The following EYS variants were observed in gnomAD, a reference collection of about 807,000 sequenced individuals.
EYS encodes the protein protein eyes shut homolog.
EYS carries 250 observed loss-of-function variants against 282.1 expected under a neutral mutation model. The ratio of observed to expected loss-of-function variants is 0.89; its 90% CI spans 0.80 to 0.98. EYS has a LOEUF of 0.98. EYS is among the 50% of genes least tolerant of loss of function. The probability of loss-of-function intolerance (pLI) is 0.00; values close to 1 mark genes in which losing one functional copy is unlikely to be tolerated. For missense variants in EYS, 4,016 were observed against 3,709.0 expected, an observed-to-expected ratio of 1.08 and a Z score of -2.15; for synonymous variants, 1,355 against 1,282.9, an observed-to-expected ratio of 1.06 and a Z score of -1.20.
intron 22 of EYS, among the ~76,000 whole-genome samples, chr6:64,774,157 A>G (rs1232698582): frequency 6.6e-6 from 1 of 151,990 alleles, no homozygotes; most frequent in Non-Finnish European, 1.5e-5. Flanking sequence ...CAAAAACTCT[A>G]GATTCTACCC....
rs560219200 is a variant in EYS, at chr6:65,703,145, A to G, written c.-448+3990T>C. On this transcript the variant is annotated intron_variant, in intron 1 of 42. Transcript: ENST00000503581. ...AAATATCAGACATGCCAACCTGCACAATCCCATGAACCAATTCCTTAAAGT... is the reference window on the plus strand; with the variant it reads ...AAATATCAGACATGCCAACCTGCACGATCCCATGAACCAATTCCTTAAAGT... Among the ~76,000 whole-genome samples, 17 of 152,274 alleles carry G rather than the reference A, an allele frequency of 1.1e-4. No individual in the cohort carries two copies. In the South Asian group the frequency reaches 3.5e-3, roughly 32 times the overall value.
At chr6:65,422,860 G>A (rs962369487) in intron 5 of EYS, among the ~76,000 whole-genome samples, 1 of 151,464 alleles carries the variant, frequency 6.6e-6, no homozygotes, top group African/African-American at 2.4e-5. Context: ...ATGTTTATGT[G>A]TACATCCTAC....
chr6:65,116,340 A>G (rs1024798874), intron 12 of EYS, among the ~76,000 whole-genome samples: 4 of 152,122 alleles, frequency 2.6e-5, no homozygotes, highest in Non-Finnish European at 4.4e-5. Flanking sequence ...CATTTTCCCC[A>G]TAGTACTCTG....
At chr6:64,755,502 ACACACACACAC>A (rs1772906200) in intron 22 of EYS, among the ~76,000 whole-genome samples, 7 of 93,052 alleles carry the variant, frequency 7.5e-5, no homozygotes, top group African/African-American at 4.9e-4. Flanking sequence ...ATACATACAC[ACACACACACAC>A]ACACACACAC....
At chr6:65,627,879 G>T (rs2149806120) in intron 2 of EYS, among the ~76,000 whole-genome samples, 1 of 152,342 alleles carries the variant, frequency 6.6e-6, no homozygotes, top group Non-Finnish European at 1.5e-5. Flanking sequence ...ACCACCCCCT[G>T]CTCTACGGCG....
intron 28 of EYS, among the ~76,000 whole-genome samples, chr6:64,413,073 T>C (rs1396860336): frequency 1.3e-5 from 2 of 152,128 alleles, no homozygotes; most frequent in African/African-American, 2.4e-5. Context: ...AAACTATGGA[T>C]ACTAGTTGAA....
chr6:65,417,554 T>C (rs1398034643), intron 5 of EYS, among the ~76,000 whole-genome samples: 1 of 152,034 alleles, frequency 6.6e-6, no homozygotes, highest in Non-Finnish European at 1.5e-5. Context: ...AAGCAGATAG[T>C]AATTATTTTG....
chr6:64,893,111 C>T (rs956888089), intron 18 of EYS, among the ~76,000 whole-genome samples: 9 of 152,066 alleles, frequency 5.9e-5, no homozygotes, highest in Non-Finnish European at 8.8e-5. Flanking sequence ...TTGTGAGTGA[C>T]CTAAATGAAC....
intron 12 of EYS, 68 bp downstream of exon 12, chr6:65,295,795 T>C (rs1768644372): frequency 3.9e-6 from 5 of 1,268,378 alleles, no homozygotes; most frequent in African/African-American, 1.5e-5. Context: ...ATTTGAGATA[T>C]ATCAAATAAA....
chr6:64,061,199 G>A (rs1449596070), intron 33 of EYS, among the ~76,000 whole-genome samples: 4 of 152,090 alleles, frequency 2.6e-5, no homozygotes, highest in African/African-American at 9.7e-5. Flanking sequence ...CTAGAATAAA[G>A]GACACAGGGC....
intron 4 of EYS, among the ~76,000 whole-genome samples, chr6:65,492,497 C>T (rs904183587): frequency 2.6e-5 from 4 of 152,094 alleles, no homozygotes; most frequent in East Asian, 1.9e-4. Context: ...AATGCATACA[C>T]GCAAATTAAT....
intron 12 of EYS, among the ~76,000 whole-genome samples, chr6:65,072,069 C>G (rs4273666): frequency 0.13 from 19,805 of 151,664 alleles, 1,452 homozygotes; most frequent in Admixed American, 0.16. Flanking sequence ...TGGACTAAGA[C>G]AAATAGTAAG....
At chr6:64,055,483 C>A (rs1409818947) in intron 33 of EYS, among the ~76,000 whole-genome samples, 1 of 152,116 alleles carries the variant, frequency 6.6e-6, no homozygotes, top group African/African-American at 2.4e-5. Context: ...GAGTGCTTTG[C>A]TTCCTCACTT....
At chr6:64,299,869 G>A (rs1769172812) in intron 30 of EYS, among the ~76,000 whole-genome samples, 1 of 152,124 alleles carries the variant, frequency 6.6e-6, no homozygotes, top group Admixed American at 6.5e-5. Context: ...TGGTGAGGTT[G>A]GCTCTGGTCC....
intron 14 of EYS, among the ~76,000 whole-genome samples, chr6:64,996,164 G>A (rs553064707): frequency 6.6e-6 from 1 of 152,248 alleles, no homozygotes; most frequent in East Asian, 1.9e-4. Flanking sequence ...AGGTCCAGAG[G>A]TTGGGCAGGC....
chr6:65,238,334 C>T (rs755565834), intron 12 of EYS, among the ~76,000 whole-genome samples: 2 of 151,132 alleles, frequency 1.3e-5, no homozygotes, highest in Non-Finnish European at 3.0e-5. Flanking sequence ...CACTTTTTAT[C>T]CATTTTCAAT....
rs1382164059 is a variant in EYS, at chr6:64,626,154, G to A, written c.3535C>T (p.His1179Tyr). Residue 1179 changes from histidine (H) to tyrosine (Y), a missense_variant, in exon 23 of 43, where the codon CAC becomes TAC. Physicochemically the swap from His to Tyr is moderately conservative, Grantham distance 83. Coordinates refer to ENST00000503581, the MANE Select transcript of EYS (RefSeq NM_001142800.2). The stretch of plus-strand genomic sequence containing the variant: ...CATTTGCAAACATATCCATTGATGT[G>A]ATCTTCACAGTCTGCACCATGTAGA... ...PCLHGADCED[H>Y]INGYVCKCQP... is the part of the protein sequence containing the mutation. The A allele has an allele frequency of 1.3e-6, 2 of 1,546,396 alleles. No homozygotes were observed. Among genetic ancestry groups the A allele is most frequent in the South Asian group, 1.2e-5 (1 of 82,524 alleles).
chr6:64,336,713 C>A (rs915926255), intron 29 of EYS, among the ~76,000 whole-genome samples: 8 of 151,956 alleles, frequency 5.3e-5, no homozygotes, highest in African/African-American at 1.9e-4. Context: ...CAAGGTAGAC[C>A]ATATGATAGG....
intron 29 of EYS, among the ~76,000 whole-genome samples, chr6:64,358,353 A>G (rs1771898851): frequency 6.6e-6 from 1 of 151,660 alleles, no homozygotes; most frequent in Admixed American, 6.6e-5. Flanking sequence ...CTTGGTGGAC[A>G]ATATAGTGTT....
Sources: gnomAD v4.1 joint callset for allele counts (sites outside exome capture counted in the v4.1 genomes callset) on GRCh38, gnomAD v4.1.1 for gene constraint, MANE v1.5 for transcripts, NCBI Gene and HGNC (gene_info 2026-07-23, HGNC 2026-07-21) for gene names.